Variants in JMJD1C observed in about 807,000 individuals in gnomAD.
The protein encoded by JMJD1C is jumonji domain containing 1C.
JMJD1C carries 31 observed loss-of-function variants against 245.3 expected under a neutral mutation model. The ratio of observed to expected loss-of-function variants is 0.13; its 90% CI spans 0.09 to 0.17. JMJD1C has a LOEUF of 0.17. Ranked by LOEUF, JMJD1C falls within the 10% of genes least tolerant of loss-of-function variation. The pLI, the probability that JMJD1C is intolerant of heterozygous loss-of-function variation, is 1.00. For synonymous variants in JMJD1C, 1,057 were observed against 1,017.4 expected, an observed-to-expected ratio of 1.04 and a Z score of -0.74; for missense variants, 2,691 against 3,000.2, an observed-to-expected ratio of 0.90 and a Z score of 2.41.
chr10:63,451,268 G>C (rs1952052505), intron 1 of JMJD1C, among the ~76,000 whole-genome samples: 1 of 152,098 alleles, frequency 6.6e-6, no homozygotes, highest in African/African-American at 2.4e-5. Context: ...TACAGAAATA[G>C]AAAAATCAAT....
At chr10:63,385,602 C>T (rs529120722) in intron 1 of JMJD1C, among the ~76,000 whole-genome samples, 3 of 151,632 alleles carry the variant, frequency 2.0e-5, no homozygotes, top group Non-Finnish European at 4.4e-5. Flanking sequence ...CATGACCCGG[C>T]TAATGTTTCT....
In JMJD1C at chr10:63,383,558, G is replaced by A. The variant is rs556436081; in HGVS notation, c.169-3076C>T. Among the ~76,000 whole-genome samples the A allele has an allele frequency of 7.9e-5, 12 of 152,222 alleles. No individual in the cohort carries two copies. The South Asian group carries it at 1.7e-3, about 21-fold the overall frequency. ...TACAAAAAATGAAAAAAATTAGCCAGGCATGGTGGCATGTGCCTATGGTCC... is the reference window on the plus strand; with the variant it reads ...TACAAAAAATGAAAAAAATTAGCCAAGCATGGTGGCATGTGCCTATGGTCC... On this transcript the variant is annotated intron_variant, in intron 1 of 25. Transcript: ENST00000399262.
chr10:63,235,643 CAA>C (rs1850647264), intron 3 of JMJD1C, among the ~76,000 whole-genome samples: 1 of 152,156 alleles, frequency 6.6e-6, no homozygotes. Context: ...TAAATTGTCA[CAA>C]GAGAAGCACT....
intron 2 of JMJD1C, among the ~76,000 whole-genome samples, chr10:63,366,956 T>C (rs951754813): frequency 6.6e-6 from 1 of 152,162 alleles, no homozygotes; most frequent in Non-Finnish European, 1.5e-5. Context: ...TTATAGCCAG[T>C]AGTCACAGAC....
intron 2 of JMJD1C, among the ~76,000 whole-genome samples, chr10:63,299,357 A>T (rs373633081): frequency 0.014 from 1,956 of 135,794 alleles, 19 homozygotes; most frequent in Non-Finnish European, 0.018. Context: ...TAATTTTTCC[A>T]TTTTTTTTTT....
At chr10:63,203,717 T>G (rs542384519) in intron 10 of JMJD1C, 3 of 982,596 alleles carry the variant, frequency 3.1e-6, no homozygotes, top group Admixed American at 6.2e-5. Flanking sequence ...TCCAAAAGAG[T>G]AGATAAGACA....
At chr10:63,355,260 G>A (rs2134319164) in intron 2 of JMJD1C, among the ~76,000 whole-genome samples, 1 of 152,258 alleles carries the variant, frequency 6.6e-6, no homozygotes, top group East Asian at 1.9e-4. Flanking sequence ...GTTTCAAGAT[G>A]TTATGCAAAG....
chr10:63,335,460 C>T (rs1942627879), intron 2 of JMJD1C, among the ~76,000 whole-genome samples: 1 of 152,112 alleles, frequency 6.6e-6, no homozygotes, highest in South Asian at 2.1e-4. Flanking sequence ...AATATAATTC[C>T]CCTTAAAAGT....
chr10:63,377,697 T>C (rs1946860672), intron 2 of JMJD1C, among the ~76,000 whole-genome samples: 1 of 151,794 alleles, frequency 6.6e-6, no homozygotes, highest in African/African-American at 2.4e-5. Context: ...ATTGCACCAC[T>C]GCACTCCAGC....
chr10:63,257,961 A>G (rs939107111), intron 3 of JMJD1C, among the ~76,000 whole-genome samples: 6 of 152,232 alleles, frequency 3.9e-5, no homozygotes, highest in Non-Finnish European at 7.3e-5. Context: ...AGGGAAGACT[A>G]GTAAGAAAGA....
chr10:63,312,741 C>T (rs937387987), intron 2 of JMJD1C, among the ~76,000 whole-genome samples: 1 of 152,090 alleles, frequency 6.6e-6, no homozygotes, highest in African/African-American at 2.4e-5. Context: ...TTTATAATTG[C>T]TTCTACACAG....
chr10:63,365,581 G>A (rs576504785), intron 2 of JMJD1C, among the ~76,000 whole-genome samples: 4 of 152,162 alleles, frequency 2.6e-5, no homozygotes, highest in East Asian at 3.9e-4. Flanking sequence ...TTCAATAATT[G>A]GCAAGGTATA....
intron 2 of JMJD1C, among the ~76,000 whole-genome samples, chr10:63,285,726 T>C (rs1589386249): frequency 6.6e-6 from 1 of 152,168 alleles, no homozygotes; most frequent in Non-Finnish European, 1.5e-5. Flanking sequence ...GAGAATCACC[T>C]GAGCCCAGGA....
chr10:63,494,251 C>A (rs772359696), intron 1 of JMJD1C, among the ~76,000 whole-genome samples: 1 of 151,184 alleles, frequency 6.6e-6, no homozygotes, highest in Non-Finnish European at 1.5e-5. Context: ...GCAGAGGTTG[C>A]GGTGAGCTGA....
At chr10:63,511,218 T>G (rs972134915) in intron 1 of JMJD1C, among the ~76,000 whole-genome samples, 2 of 152,224 alleles carry the variant, frequency 1.3e-5, no homozygotes, top group Non-Finnish European at 2.9e-5. Context: ...CAGGTTTCTG[T>G]GTGTGGCCCC....
At chr10:63,217,418 T>C (rs964914440) in intron 4 of JMJD1C, 87 bp from the exon 5 acceptor site, 6 of 1,035,740 alleles carry the variant, frequency 5.8e-6, no homozygotes, top group Admixed American at 5.3e-5. Flanking sequence ...TGAGCTAGTG[T>C]ATAATAGTAA....
intron 1 of JMJD1C, among the ~76,000 whole-genome samples, chr10:63,420,693 T>A (rs1199563833): frequency 1.9e-4 from 15 of 78,146 alleles, no homozygotes; most frequent in Admixed American, 1.5e-3. Context: ...CCAGCCTGGG[T>A]AACAAAACGA....
intron 1 of JMJD1C, among the ~76,000 whole-genome samples, chr10:63,519,727 AG>A: frequency 6.6e-6 from 1 of 152,346 alleles, no homozygotes; most frequent in African/African-American, 2.4e-5. Flanking sequence ...CAAAGTGTTA[AG>A]GGAAAAACGA....
intron 3 of JMJD1C, among the ~76,000 whole-genome samples, chr10:63,245,642 C>T (rs766579262): frequency 4.6e-5 from 7 of 152,114 alleles, no homozygotes; most frequent in Non-Finnish European, 1.0e-4. Context: ...GCCACCACGC[C>T]TGGCTAATTT....
Sources: allele counts gnomAD v4.1 joint callset (sites outside exome capture counted in the v4.1 genomes callset), GRCh38; gene constraint gnomAD v4.1.1; transcripts MANE v1.5; gene names NCBI Gene and HGNC (gene_info 2026-07-23, HGNC 2026-07-21).